The following GPR85 variants were observed in gnomAD, a reference collection of about 807,000 sequenced individuals.
The protein encoded by GPR85 is probable G protein-coupled receptor 85.
A neutral mutation model predicts 21.3 loss-of-function variants in GPR85; 7 were observed. The ratio of observed to expected loss-of-function variants is 0.33; its 90% CI spans 0.19 to 0.62. GPR85 has a LOEUF of 0.62. GPR85 is among the 20% of genes least tolerant of loss of function. The pLI is 0.80. For synonymous variants in GPR85, 167 were observed against 166.1 expected, an observed-to-expected ratio of 1.01 and a Z score of -0.04; for missense variants, 299 against 443.8, an observed-to-expected ratio of 0.67 and a Z score of 2.93.
chr7:113,086,767 G>T lies in GPR85; in HGVS notation c.-734C>A, dbSNP rs1446215755. On this transcript the variant is annotated 5_prime_UTR_variant, in exon 1 of 3. Transcript: ENST00000424100. ...CTCCCCGCATTTGTAGTGGGGGGCT[G>T]GAAAGGCCCTTTCAGGACCTCAGGC... 6.6e-6 allele frequency among the ~76,000 whole-genome samples: 1 copy of T among 152,048 alleles called. No individual in the cohort carries two copies. The highest frequency in any genetic ancestry group is 1.5e-5 in the Non-Finnish European group (1 of 68,012).
Position 113,083,368 on chromosome 7 carries a change from G to T in GPR85, c.*241C>A, listed in dbSNP as rs758232547. On this transcript the variant is annotated 3_prime_UTR_variant, in exon 3 of 3. Coordinates refer to ENST00000424100, the MANE Select transcript of GPR85 (RefSeq NM_001146267.2). This position sits in a 1 kb window ranked among gnomAD's most constrained non-coding sequence, Gnocchi z 4.4. ...ATTATCTAGTTTTTGACCACATAAA[G>T]AAACTTAGGGCAGTGGTTCAGTCCC... is the stretch of plus-strand genomic sequence containing the variant. 1 of 455,026 alleles carries T rather than the reference G, an allele frequency of 2.2e-6. No individual in the cohort carries two copies. The highest frequency in any genetic ancestry group is 3.9e-6 in the Non-Finnish European group (1 of 257,816). The allele number at this position is 455,026 out of a possible 1,614,324, so 28.2% of individuals were successfully genotyped here.
Position 113,086,415 on chromosome 7 carries a change from T to TTTTTTTTTTTTTTTTTTTTTTTTTTTTTA in GPR85, c.-383_-382insTAAAAAAAAAAAAAAAAAAAAAAAAAAAA, listed in dbSNP as rs1794295457. 1.7e-5 allele frequency: 1 copy of TTTTTTTTTTTTTTTTTTTTTTTTTTTTTA among 60,600 alleles called. No homozygotes were observed. The highest frequency in any genetic ancestry group is 5.1e-4 in the South Asian group (1 of 1,970). The allele number at this position is 60,600 out of a possible 1,614,324, so 3.8% of individuals were successfully genotyped here. On this transcript the variant is annotated 5_prime_UTR_variant, in exon 1 of 3. It removes the in-frame stop codon of an upstream open reading frame in the 5' UTR. Coordinates refer to ENST00000424100, the MANE Select transcript of GPR85 (RefSeq NM_001146267.2). Reference sequence around the variant, plus strand: ...CTTTTTCTTTTTTTTTTTTTTTTTTTTGTTTTTTGTTTTTTTTTTTTTTTT... The same window carrying TTTTTTTTTTTTTTTTTTTTTTTTTTTTTA: ...CTTTTTCTTTTTTTTTTTTTTTTTTTTTTTTTTTTTTTTTTTTTTTTTTTTTTTATGTTTTTTGTTTTTTTTTTTTTTTT...
Position 113,086,412 on chromosome 7 carries a change from T to G in GPR85, c.-379A>C, listed in dbSNP as rs1794293616. The stretch of plus-strand genomic sequence containing the variant: ...TTTCTTTTTCTTTTTTTTTTTTTTT[T>G]TTTTGTTTTTTGTTTTTTTTTTTTT... On this transcript the variant is annotated 5_prime_UTR_variant, in exon 1 of 3. Transcript: ENST00000424100. The G allele has an allele frequency of 1.1e-5, 1 of 91,440 alleles. No homozygotes were observed. The highest frequency in any genetic ancestry group is 4.5e-5 in the African/African-American group (1 of 22,278). The allele number at this position is 91,440 out of a possible 1,614,324, so 5.7% of individuals were successfully genotyped here. A position where few individuals can be genotyped will look rare whatever the true frequency, so the allele number is the denominator to read the frequency against.
rs869225759 is a variant in GPR85 at position 113,086,396 on chromosome 7, C to CTTTTTTTTTTTTTTTTTTTTTTTTTCTTT, written c.-364_-363insAAAGAAAAAAAAAAAAAAAAAAAAAAAAA. 2.1e-5 allele frequency: 1 copy of CTTTTTTTTTTTTTTTTTTTTTTTTTCTTT among 48,066 alleles called. No homozygotes were observed. The highest frequency in any genetic ancestry group is 3.6e-5 in the Non-Finnish European group (1 of 28,132). 3.0% of individuals were successfully genotyped at this position (48,066 alleles called of 1,614,324 possible). ...CTGATTTTTTTCTTTTTTTCTTTTT[C>CTTTTTTTTTTTTTTTTTTTTTTTTTCTTT]TTTTTTTTTTTTTTTTTTTTGTTTT... On this transcript the variant is annotated 5_prime_UTR_variant, in exon 1 of 3. The change abolishes the stop of an existing upstream ORF in the 5' untranslated region. Coordinates refer to ENST00000424100, the MANE Select transcript of GPR85 (RefSeq NM_001146267.2).
Position 113,083,598 on chromosome 7 carries a change from C to A in GPR85, c.*11G>T. ...TAGTTTTCACAAGGCTAAAGATTTA[C>A]AGATGCTCCCTCATATAACACAGTA... is the stretch of plus-strand genomic sequence containing the variant. On this transcript the variant is annotated 3_prime_UTR_variant, in exon 3 of 3. Transcript: ENST00000424100. The surrounding 1 kb of genome is among the most constrained non-coding windows in gnomAD (Gnocchi z 4.4). 6.2e-7 allele frequency: 1 copy of A among 1,601,200 alleles called. No homozygotes were observed. The highest frequency in any genetic ancestry group is 8.5e-7 in the Non-Finnish European group (1 of 1,173,660).
Position 113,084,652 on chromosome 7 carries a change from G to A in GPR85, c.70C>T (p.Leu24=). 1 of 1,613,692 alleles carries A rather than the reference G, an allele frequency of 6.2e-7. No individual in the cohort carries two copies. Among genetic ancestry groups the A allele is most frequent in the Non-Finnish European group, 8.5e-7 (1 of 1,179,670 alleles). Residue 24 remains leucine (L), a synonymous_variant, in exon 3 of 3, where the codon CTG becomes TTG. Transcript: ENST00000424100. ...CCTATTATGAAACCCAAGGAAGTCA[G>A]TTTCAGAAAGGCTGTTAGAGGCGAG... ...NLSPLTAFLK[L]TSLGFIIGVS...
rs1581688 is a variant in GPR85, at chr7:113,083,038, T to C, written c.*571A>G. ...AAGTAAACTCTAATTGGAACCAATA[T>C]ACTGCTTTGGAATGCTCCCCAGAAC... On this transcript the variant is annotated 3_prime_UTR_variant, in exon 3 of 3. Coordinates refer to ENST00000424100, the MANE Select transcript of GPR85 (RefSeq NM_001146267.2). This position sits in a 1 kb window ranked among gnomAD's most constrained non-coding sequence, Gnocchi z 4.4. 49,805 of 152,566 alleles carry C rather than the reference T, an allele frequency of 0.33. 8,478 individuals are homozygous for C. Among genetic ancestry groups the C allele is most frequent in the South Asian group, 0.4 (1,905 of 4,822 alleles). The allele number at this position is 152,566 out of a possible 1,614,324, so 9.5% of individuals were successfully genotyped here. A position where few individuals can be genotyped will look rare whatever the true frequency, so the allele number is the denominator to read the frequency against.
chr7:113,086,438 T>TG lies in GPR85; in HGVS notation c.-406_-405insC, dbSNP rs1794304826. On this transcript the variant is annotated 5_prime_UTR_variant, in exon 1 of 3. The change creates a premature stop within an existing upstream ORF in the 5' untranslated region. Transcript: ENST00000424100. ...TTTTGTTTTTTGTTTTTTTTTTTTT[T>TG]TTTTTTGCCTTAGTGCCTTGACTGA... The TG allele has an allele frequency of 8.2e-6, 1 of 121,732 alleles. No homozygotes were observed. Among genetic ancestry groups the TG allele is most frequent in the Non-Finnish European group, 1.7e-5 (1 of 57,760 alleles). The allele number at this position is 121,732 out of a possible 1,614,324, so 7.5% of individuals were successfully genotyped here.
rs770454809 is a variant in GPR85 at position 113,084,127 on chromosome 7, G to C, written c.595C>G (p.Gln199Glu). Reference sequence around the variant, plus strand: ...AATATCAGCTTGAGGTAGACAAGCTGTGTGGCTAGGAGGATGAGAGCAAGA... The same window carrying C: ...AATATCAGCTTGAGGTAGACAAGCTCTGTGGCTAGGAGGATGAGAGCAAGA... ...LLLALILLATQLVYLKLIFFV... is the reference protein window; with the variant it reads ...LLLALILLATELVYLKLIFFV... Residue 199 changes from glutamine to glutamate, a missense_variant, in exon 3 of 3, where the codon CAG becomes GAG. Gln to Glu is a conservative substitution (Grantham distance 29). This residue lies in a region of GPR85 where 198 missense variants were observed against 335.4 expected (regional missense o/e 0.59). Coordinates refer to ENST00000424100, the MANE Select transcript of GPR85 (RefSeq NM_001146267.2). 1.2e-6 allele frequency: 2 copies of C among 1,614,194 alleles called. No individual in the cohort carries two copies. The highest frequency in any genetic ancestry group is 1.1e-5 in the South Asian group (1 of 91,088).
Position 113,086,167 on chromosome 7 carries a change from TACAC to T in GPR85, c.-288-62_-288-59del, listed in dbSNP as rs373500861. ...ATGCAGTTTATTGTCACAAAACACA[TACAC>T]ACACACACACACACACACACACAGA... On this transcript the variant is annotated intron_variant, in intron 1 of 2. Transcript: ENST00000424100. 1.4e-3 allele frequency: 171 copies of T among 125,806 alleles called. 1 individual carries two copies. The highest frequency in any genetic ancestry group is 4.1e-3 in the East Asian group (17 of 4,180). The allele number at this position is 125,806 out of a possible 1,614,324, so 7.8% of individuals were successfully genotyped here. A position where few individuals can be genotyped will look rare whatever the true frequency, so the allele number is the denominator to read the frequency against.
Position 113,086,411 on chromosome 7 carries a change from T to G in GPR85, c.-378A>C, listed in dbSNP as rs1562996816. ...TTTTCTTTTTCTTTTTTTTTTTTTT[T>G]TTTTTGTTTTTTGTTTTTTTTTTTT... On this transcript the variant is annotated 5_prime_UTR_variant, in exon 1 of 3. Coordinates refer to ENST00000424100, the MANE Select transcript of GPR85 (RefSeq NM_001146267.2). 5.4e-4 allele frequency: 49 copies of G among 91,572 alleles called. No individual in the cohort carries two copies. The highest frequency in any genetic ancestry group is 2.0e-3 in the African/African-American group (45 of 22,290). The allele number at this position is 91,572 out of a possible 1,614,324, so 5.7% of individuals were successfully genotyped here. A position where few individuals can be genotyped will look rare whatever the true frequency, so the allele number is the denominator to read the frequency against.
At position 113,084,253 on chromosome 7, in the gene GPR85, C is replaced by T; in HGVS notation, c.469G>A (p.Val157Ile). The T allele has an allele frequency of 6.2e-7, 1 of 1,614,084 alleles. No homozygotes were observed. ...AATGAGTAAGTGCCCACGTCTAAAACCGGGGGAAATGCCATGGCCACAGAC... is the reference window on the plus strand; with the variant it reads ...AATGAGTAAGTGCCCACGTCTAAAATCGGGGGAAATGCCATGGCCACAGAC... The part of the protein sequence containing the change: ...TLSVAMAFPP[V>I]LDVGTYSFIR... The change falls in exon 3 of 3, where the codon GTT (valine) becomes ATT (isoleucine). Residue 157 changes from valine to isoleucine, a missense_variant. Val to Ile is a conservative substitution (Grantham distance 29, BLOSUM62 3). Around this residue, in one of 2 missense-constraint regions of GPR85, gnomAD observed 198 missense variants for 335.4 expected, o/e 0.59. Coordinates refer to ENST00000424100, the MANE Select transcript of GPR85 (RefSeq NM_001146267.2).
In GPR85 at chr7:113,084,193, G is replaced by A; in HGVS notation, c.529C>T (p.Arg177Cys). ...REEDQCTFQH[R>C]SFRANDSLGF... ...AAGGAATCATTAGCCCTGAAGGAGC[G>A]GTGTTGGAAGGTGCATTGATCTTCC... Residue 177 changes from arginine to cysteine, a missense_variant, in exon 3 of 3, where the codon CGC (arginine) becomes TGC (cysteine). Physicochemically the swap from Arg to Cys is radical, Grantham distance 180 (BLOSUM62 -3). Coordinates refer to ENST00000424100, the MANE Select transcript of GPR85 (RefSeq NM_001146267.2). 5.6e-6 allele frequency: 9 copies of A among 1,614,054 alleles called. No individual in the cohort carries two copies. Among genetic ancestry groups the A allele is most frequent in the East Asian group, 4.5e-5 (2 of 44,878 alleles).
At position 113,086,431 on chromosome 7, in the gene GPR85, T is replaced by TTTTTTTTTTTTTTTTTTTTTTTTTTTTG. The variant is rs1414402156; in HGVS notation, c.-399_-398insCAAAAAAAAAAAAAAAAAAAAAAAAAAA. The TTTTTTTTTTTTTTTTTTTTTTTTTTTTG allele has an allele frequency of 6.5e-5, 7 of 108,236 alleles. No individual in the cohort carries two copies. The highest frequency in any genetic ancestry group is 7.6e-5 in the Non-Finnish European group (4 of 52,472). The allele number at this position is 108,236 out of a possible 1,614,324, so 6.7% of individuals were successfully genotyped here. ...TTTTTTTTTTTGTTTTTTGTTTTTT[T>TTTTTTTTTTTTTTTTTTTTTTTTTTTTG]TTTTTTTTTTTTTGCCTTAGTGCCT... On this transcript the variant is annotated 5_prime_UTR_variant, in exon 1 of 3. An upstream open reading frame in the 5' UTR loses its in-frame stop. Transcript: ENST00000424100.
chr7:113,084,830 G>T lies in GPR85; in HGVS notation c.-109C>A. ...TTACTGAAAATATAATCCACAAAGAGAACTGATCTGATCTGCAGTCATGCT... is the reference window on the plus strand; with the variant it reads ...TTACTGAAAATATAATCCACAAAGATAACTGATCTGATCTGCAGTCATGCT... On this transcript the variant is annotated 5_prime_UTR_variant, in exon 3 of 3. Coordinates refer to ENST00000424100, the MANE Select transcript of GPR85 (RefSeq NM_001146267.2). The T allele has an allele frequency of 1.5e-6, 1 of 666,068 alleles. No individual in the cohort carries two copies. The highest frequency in any genetic ancestry group is 2.4e-6 in the Non-Finnish European group (1 of 413,660). 41.3% of individuals were successfully genotyped at this position (666,068 alleles called of 1,614,324 possible).
Position 113,086,410 on chromosome 7 carries a change from T to TTTG in GPR85, c.-378_-377insCAA, listed in dbSNP as rs1794293156. 1.3e-4 allele frequency: 12 copies of TTTG among 95,368 alleles called. No individual in the cohort carries two copies. The highest frequency in any genetic ancestry group is 3.0e-4 in the African/African-American group (7 of 23,702). The allele number at this position is 95,368 out of a possible 1,614,324, so 5.9% of individuals were successfully genotyped here. ...TTTTTCTTTTTCTTTTTTTTTTTTT[T>TTTG]TTTTTTGTTTTTTGTTTTTTTTTTT... On this transcript the variant is annotated 5_prime_UTR_variant, in exon 1 of 3. Transcript: ENST00000424100.
Position 113,086,410 on chromosome 7 carries a change from T to TTG in GPR85, c.-378_-377insCA, listed in dbSNP as rs1794293093. The stretch of plus-strand genomic sequence containing the variant: ...TTTTTCTTTTTCTTTTTTTTTTTTT[T>TTG]TTTTTTGTTTTTTGTTTTTTTTTTT... On this transcript the variant is annotated 5_prime_UTR_variant, in exon 1 of 3. An upstream open reading frame in the 5' UTR loses its in-frame stop. Transcript: ENST00000424100. 2.1e-5 allele frequency: 2 copies of TTG among 95,370 alleles called. No homozygotes were observed. The highest frequency in any genetic ancestry group is 8.4e-5 in the African/African-American group (2 of 23,704). The allele number at this position is 95,370 out of a possible 1,614,324, so 5.9% of individuals were successfully genotyped here. A position where few individuals can be genotyped will look rare whatever the true frequency, so the allele number is the denominator to read the frequency against.
At position 113,083,511 on chromosome 7, in the gene GPR85, T is replaced by C; in HGVS notation, c.*98A>G. On this transcript the variant is annotated 3_prime_UTR_variant, in exon 3 of 3. Transcript: ENST00000424100. This position sits in a 1 kb window ranked among gnomAD's most constrained non-coding sequence, Gnocchi z 4.4. ...TTGCCCAAATCCTTAAAACTGCTGATTCCATTCTTGAATTTCTTCTCAAAA... is the reference window on the plus strand; with the variant it reads ...TTGCCCAAATCCTTAAAACTGCTGACTCCATTCTTGAATTTCTTCTCAAAA... The C allele has an allele frequency of 9.0e-7, 1 of 1,106,666 alleles. No homozygotes were observed. Among genetic ancestry groups the C allele is most frequent in the East Asian group, 2.4e-5 (1 of 42,372 alleles). The allele number at this position is 1,106,666 out of a possible 1,614,324, so 68.6% of individuals were successfully genotyped here.
intron 2 of GPR85, among the ~76,000 whole-genome samples, chr7:113,085,146 T>A (rs922816637): frequency 1.3e-5 from 2 of 152,206 alleles, no homozygotes; most frequent in Non-Finnish European, 2.9e-5. Context: ...AGAGAAGGAA[T>A]AAAATGTCCC....
Sources: allele counts gnomAD v4.1 joint callset (sites outside exome capture counted in the v4.1 genomes callset), GRCh38; gene constraint gnomAD v4.1.1; regional missense constraint gnomAD v4.1.1; non-coding constraint Gnocchi (gnomAD v3.1); transcripts MANE v1.5; gene names NCBI Gene and HGNC (gene_info 2026-07-23, HGNC 2026-07-21).